Variants in WAPL observed in about 807,000 individuals in gnomAD.
WAPL encodes wings apart-like protein homolog.
In WAPL, 5 loss-of-function variants were observed where a neutral mutation model predicts 121.0. The ratio of observed to expected loss-of-function variants is 0.04; its 90% CI spans 0.02 to 0.09. The LOEUF (loss-of-function observed/expected upper bound fraction) is 0.09. WAPL is among the 10% of genes least tolerant of loss of function. The pLI, the probability that WAPL is intolerant of heterozygous loss-of-function variation, is 1.00. For missense variants in WAPL, 999 were observed against 1,410.8 expected, an observed-to-expected ratio of 0.71 and a Z score of 4.68; for synonymous variants, 480 against 481.5, an observed-to-expected ratio of 1.00 and a Z score of 0.04.
chr10:86,444,467 A>G (rs1361619837), intron 16 of WAPL, among the ~76,000 whole-genome samples: 1 of 152,254 alleles, frequency 6.6e-6, no homozygotes, highest in African/African-American at 2.4e-5. Context: ...ATGGTATAAC[A>G]ATATTATGGA....
intron 15 of WAPL, among the ~76,000 whole-genome samples, chr10:86,451,281 G>C (rs1372052731): frequency 2.0e-5 from 3 of 151,654 alleles, no homozygotes; most frequent in Non-Finnish European, 4.4e-5. Context: ...CTGCTTTTTG[G>C]TAACAATGCT....
rs780876810 is a variant in WAPL, at chr10:86,453,610, T to C, written c.2833+46A>G. 3 of 1,543,748 alleles carry C rather than the reference T, an allele frequency of 1.9e-6. No homozygotes were observed. The East Asian group carries it at 6.8e-5, about 35-fold the overall frequency. ...GAAACAAAAATAACTTGTTTTCACA[T>C]GCAATATACATCTTTCAATGAGAAA... On this transcript the variant is annotated intron_variant, in intron 13 of 18. Coordinates refer to ENST00000298767, the MANE Select transcript of WAPL (RefSeq NM_015045.5).
chr10:86,453,702 G>A lies in WAPL; in HGVS notation c.2787C>T (p.Cys929=), dbSNP rs1465503827. The A allele has an allele frequency of 6.2e-7, 1 of 1,611,920 alleles. No homozygotes were observed. The highest frequency in any genetic ancestry group is 1.7e-5 in the Admixed American group (1 of 59,332). The stretch of plus-strand genomic sequence containing the variant: ...GCAACACCCCGATGATGGCCCTCAT[G>A]CAGTCCTCCACTGCTTTGCCTACAT... The part of the protein sequence containing the change: ...TNHVGKAVED[C]MRAIIGVLLN... Residue 929 remains cysteine (C), a synonymous_variant, in exon 13 of 19, where the codon TGC becomes TGT. Coordinates refer to ENST00000298767, the MANE Select transcript of WAPL (RefSeq NM_015045.5).
At chr10:86,469,984 G>C (rs1033744136) in intron 8 of WAPL, among the ~76,000 whole-genome samples, 7 of 151,976 alleles carry the variant, frequency 4.6e-5, no homozygotes, top group Non-Finnish European at 8.8e-5. Flanking sequence ...TTAGTCTCCA[G>C]AGTAGCTAGG....
At chr10:86,450,452 T>C (rs1840950036) in intron 15 of WAPL, among the ~76,000 whole-genome samples, 1 of 152,146 alleles carries the variant, frequency 6.6e-6, no homozygotes, top group South Asian at 2.1e-4. Flanking sequence ...CCCATGCTGG[T>C]CTCAAACTCC....
chr10:86,511,530 G>T (rs1388437687), intron 2 of WAPL, among the ~76,000 whole-genome samples: 1 of 152,170 alleles, frequency 6.6e-6, no homozygotes, highest in Non-Finnish European at 1.5e-5. Flanking sequence ...CCACTTAACA[G>T]TTCAAGTTAT....
chr10:86,448,826 G>T (rs1840900545), intron 15 of WAPL, among the ~76,000 whole-genome samples: 1 of 151,994 alleles, frequency 6.6e-6, no homozygotes, highest in South Asian at 2.1e-4. Flanking sequence ...TGTTGCCCAG[G>T]CCAGGCTCAA....
At chr10:86,502,536 T>C (rs1842265884) in intron 2 of WAPL, among the ~76,000 whole-genome samples, 1 of 152,196 alleles carries the variant, frequency 6.6e-6, no homozygotes, top group Non-Finnish European at 1.5e-5. Context: ...GAATTGTTTG[T>C]TGAAGATTAA....
rs763383570 is a variant in WAPL at position 86,473,868 on chromosome 10, G to A, written c.1740+10C>T. On this transcript the variant is annotated intron_variant, in intron 5 of 18. Transcript: ENST00000298767. ...AAAAAACACAAAATAAATAAGTACA[G>A]TTCACTTACTGTGACACTCTGAGGT... is the stretch of plus-strand genomic sequence containing the variant. The A allele has an allele frequency of 7.5e-6, 12 of 1,596,210 alleles. No individual in the cohort carries two copies. The East Asian group carries it at 2.5e-4, about 33-fold the overall frequency.
chr10:86,472,110 T>C lies in WAPL; in HGVS notation c.2030+98A>G. The C allele has an allele frequency of 8.2e-7, 1 of 1,225,656 alleles. No homozygotes were observed. The highest frequency in any genetic ancestry group is 1.1e-6 in the Non-Finnish European group (1 of 898,510). 75.9% of individuals were successfully genotyped at this position (1,225,656 alleles called of 1,614,324 possible). A position where few individuals can be genotyped will look rare whatever the true frequency, so the allele number is the denominator to read the frequency against. On this transcript the variant is annotated intron_variant, in intron 7 of 18. Transcript: ENST00000298767. The surrounding 1 kb of genome is among the most constrained non-coding windows in gnomAD (Gnocchi z 4.2). ...ACTGGCTATACATACTACCCCATCATAACAAAATAAAAAATGTTTGGCTTT... is the reference window on the plus strand; with the variant it reads ...ACTGGCTATACATACTACCCCATCACAACAAAATAAAAAATGTTTGGCTTT...
chr10:86,497,404 G>A (rs1423880904), intron 3 of WAPL, 85 bp from the exon 4 acceptor site: 1 of 952,900 alleles, frequency 1.0e-6, no homozygotes, highest in Non-Finnish European at 1.6e-6. Context: ...ATACATGAAT[G>A]AATGAAAATG....
chr10:86,475,500 G>A (rs911215651), intron 4 of WAPL, among the ~76,000 whole-genome samples: 5 of 152,160 alleles, frequency 3.3e-5, no homozygotes, highest in Admixed American at 6.5e-5. Context: ...TGAACTAATC[G>A]TTAGCTTTTA....
chr10:86,440,352 A>G (rs1849431936), intron 17 of WAPL, among the ~76,000 whole-genome samples: 1 of 150,770 alleles, frequency 6.6e-6, no homozygotes, highest in Non-Finnish European at 1.5e-5. Flanking sequence ...CAGTGGTGCG[A>G]TCTCCACTCA....
At chr10:86,479,785 C>A (rs1456778449) in intron 4 of WAPL, among the ~76,000 whole-genome samples, 1 of 152,084 alleles carries the variant, frequency 6.6e-6, no homozygotes, top group East Asian at 1.9e-4. Flanking sequence ...TATGTGTGCA[C>A]AGTACTTTAG....
intron 8 of WAPL, among the ~76,000 whole-genome samples, chr10:86,469,504 T>A (rs1215080448): frequency 6.6e-6 from 1 of 151,932 alleles, no homozygotes; most frequent in Non-Finnish European, 1.5e-5. Context: ...TCTGCCCACC[T>A]CAGCCTCCCA....
chr10:86,462,883 A>T (rs1841318810), intron 9 of WAPL, among the ~76,000 whole-genome samples: 3 of 152,208 alleles, frequency 2.0e-5, no homozygotes, highest in African/African-American at 7.2e-5. Flanking sequence ...ATACAGGCAA[A>T]GCTGAAGCCT....
rs916205570 is a variant in WAPL, at chr10:86,458,892, T to C, written c.2657+97A>G. ...TCACAGAACTCAACAGAGCATTTCA[T>C]GGAGGAAGCTAATCCAAATTTCTTT... On this transcript the variant is annotated intron_variant, in intron 12 of 18. Coordinates refer to ENST00000298767, the MANE Select transcript of WAPL (RefSeq NM_015045.5). 32 of 930,102 alleles carry C rather than the reference T, an allele frequency of 3.4e-5. 1 individual carries two copies. The highest frequency in any genetic ancestry group is 5.0e-5 in the Non-Finnish European group (31 of 616,530). 57.6% of individuals were successfully genotyped at this position (930,102 alleles called of 1,614,324 possible).
At chr10:86,454,636 G>T (rs1252029595) in intron 12 of WAPL, among the ~76,000 whole-genome samples, 1 of 152,224 alleles carries the variant, frequency 6.6e-6, no homozygotes, top group Non-Finnish European at 1.5e-5. Flanking sequence ...GGAGACTGCA[G>T]CCTCTGCCCA....
chr10:86,447,994 G>A (rs1428147442), intron 15 of WAPL, among the ~76,000 whole-genome samples: 1 of 152,106 alleles, frequency 6.6e-6, no homozygotes, highest in African/African-American at 2.4e-5. Context: ...GTTGCAGTAA[G>A]CTGAGATGGT....
Sources: gnomAD v4.1 joint callset for allele counts (sites outside exome capture counted in the v4.1 genomes callset) on GRCh38, gnomAD v4.1.1 for gene constraint, Gnocchi (gnomAD v3.1) non-coding constraint, MANE v1.5 for transcripts, NCBI Gene and HGNC (gene_info 2026-07-23, HGNC 2026-07-21) for gene names.